Variants in NAMPT observed in about 807,000 individuals in gnomAD.
The protein encoded by NAMPT is NAmPRTase.
NAMPT carries 7 observed loss-of-function variants against 58.7 expected under a neutral mutation model. The ratio of observed to expected loss-of-function variants is 0.12; its 90% CI spans 0.07 to 0.22. The LOEUF is 0.22. Among genes scored for constraint, NAMPT ranks in the 10% least tolerant of loss-of-function variants. The pLI is 1.00. For synonymous variants in NAMPT, 145 were observed against 198.1 expected (o/e 0.73, Z 2.25); for missense variants, 271 against 567.9 (o/e 0.48, Z 5.31).
intron 2 of NAMPT, chr7:106,275,855 G>C (rs1375358776): frequency 6.6e-6 from 1 of 152,096 alleles, no homozygotes; most frequent in African/African-American, 2.4e-5. Context: ...TGGTCAACAT[G>C]GTGAGACCCT....
intron 1 of NAMPT, among the ~76,000 whole-genome samples, chr7:106,284,188 T>A (rs1255387834): frequency 6.6e-6 from 1 of 152,012 alleles, no homozygotes; most frequent in Non-Finnish European, 1.5e-5. Flanking sequence ...AATCACTAGG[T>A]GCCAAGGAGT....
chr7:106,254,875 A>C (rs1444869271), intron 8 of NAMPT, among the ~76,000 whole-genome samples: 1 of 152,222 alleles, frequency 6.6e-6, no homozygotes, highest in Non-Finnish European at 1.5e-5. Context: ...AACACAAGCA[A>C]TGGGAGCCAA....
chr7:106,272,850 C>A (rs534526558), intron 3 of NAMPT, among the ~76,000 whole-genome samples, 192 bp from the exon 4 acceptor site: 2 of 152,136 alleles, frequency 1.3e-5, no homozygotes, highest in Non-Finnish European at 2.9e-5. Flanking sequence ...TATTAACATA[C>A]GTACTGATAT....
chr7:106,261,804 A>G, intron 7 of NAMPT, 97 bp from the exon 8 acceptor site: 1 of 1,324,438 alleles, frequency 7.6e-7, no homozygotes. Context: ...ATAATCGAGA[A>G]TATAAAAATT....
At chr7:106,271,650 G>A (rs1019696472) in intron 4 of NAMPT, among the ~76,000 whole-genome samples, 4 of 151,788 alleles carry the variant, frequency 2.6e-5, no homozygotes, top group African/African-American at 9.7e-5. Context: ...TTAATTTCCT[G>A]TCAACTTAGC....
chr7:106,255,765 G>T (rs1792188210), intron 8 of NAMPT, among the ~76,000 whole-genome samples: 1 of 152,094 alleles, frequency 6.6e-6, no homozygotes, highest in Admixed American at 6.6e-5. Flanking sequence ...CCTGAGTTCA[G>T]GTTTTCCTTT....
At chr7:106,273,399 T>C (rs1199477065) in intron 3 of NAMPT, among the ~76,000 whole-genome samples, 1 of 152,226 alleles carries the variant, frequency 6.6e-6, no homozygotes, top group East Asian at 1.9e-4. Flanking sequence ...TGATAATTTA[T>C]TTATGTGATT....
intron 3 of NAMPT, 76 bp from the exon 4 acceptor site, chr7:106,272,734 T>TGGGA: frequency 5.3e-6 from 8 of 1,523,688 alleles, no homozygotes; most frequent in Non-Finnish European, 6.3e-6. Context: ...AAAGGTTCTT[T>TGGGA]ACGTTTTATA....
At chr7:106,284,488 C>A (rs1398454264) in intron 1 of NAMPT, 4 of 152,880 alleles carry the variant, frequency 2.6e-5, no homozygotes, top group Admixed American at 2.0e-4. Flanking sequence ...CATGCGCTCG[C>A]CGGCGACGCC....
rs1410673449 is a variant in NAMPT at position 106,257,480 on chromosome 7, AAAG to A, written c.1090-2979_1090-2977del. On this transcript the variant is annotated intron_variant, in intron 8 of 10. Transcript: ENST00000222553. ...ACAAAACATTAAAAAAAAAAAAAAA[AAAG>A]AGTCAGGTGTGGTGGCACACACTTG... Among the ~76,000 whole-genome samples the A allele has an allele frequency of 6.6e-5, 10 of 151,448 alleles. No individual in the cohort carries two copies. The East Asian group carries it at 1.6e-3, about 24-fold the overall frequency.
intron 3 of NAMPT, 127 bp downstream of exon 3, chr7:106,274,819 C>T: frequency 3.3e-6 from 2 of 613,576 alleles, no homozygotes; most frequent in East Asian, 3.0e-5. Context: ...TGTGCCACTG[C>T]ACTCCAGCCT....
At chr7:106,274,080 A>C (rs1461049056) in intron 3 of NAMPT, among the ~76,000 whole-genome samples, 1 of 150,490 alleles carries the variant, frequency 6.6e-6, no homozygotes, top group African/African-American at 2.5e-5. Context: ...TGAGTGCCTT[A>C]ATATTTAGGC....
intron 8 of NAMPT, among the ~76,000 whole-genome samples, chr7:106,256,575 A>ACTT (rs1792202891): frequency 6.6e-6 from 1 of 152,246 alleles, no homozygotes; most frequent in Non-Finnish European, 1.5e-5. Flanking sequence ...CAATGGTTCA[A>ACTT]CTTAACAACG....
At chr7:106,261,777 T>C in intron 7 of NAMPT, 70 bp from the exon 8 acceptor site, 9 of 1,472,976 alleles carry the variant, frequency 6.1e-6, no homozygotes, top group Non-Finnish European at 7.5e-6. Context: ...TTTTCAAAGT[T>C]AAATGATTTT....
intron 8 of NAMPT, among the ~76,000 whole-genome samples, chr7:106,261,306 A>G (rs1792296777): frequency 1.3e-5 from 2 of 152,176 alleles, no homozygotes; most frequent in Non-Finnish European, 2.9e-5. Flanking sequence ...TTATATTCCA[A>G]GGAATATTTC....
At position 106,251,081 on chromosome 7, in the gene NAMPT, G is replaced by C. The variant is rs369468695; in HGVS notation, c.*2C>G. 1 of 1,516,488 alleles carries C rather than the reference G, an allele frequency of 6.6e-7. No homozygotes were observed. The highest frequency in any genetic ancestry group is 1.1e-5 in the South Asian group (1 of 89,022). 93.9% of individuals were successfully genotyped at this position (1,516,488 alleles called of 1,614,324 possible). On this transcript the variant is annotated 3_prime_UTR_variant, in exon 11 of 11. Transcript: ENST00000222553. ...CACACAACACACACCCAGTCATAAA[G>C]CCTAATGATGTGCTGCTTCCAGTTC...
intron 4 of NAMPT, among the ~76,000 whole-genome samples, chr7:106,271,064 G>A (rs1792522173): frequency 6.6e-6 from 1 of 151,302 alleles, no homozygotes; most frequent in Non-Finnish European, 1.5e-5. Context: ...CATATTGCCA[G>A]TGGTTACCAT....
At chr7:106,269,608 T>C (rs138705030) in intron 4 of NAMPT, among the ~76,000 whole-genome samples, 1 of 152,330 alleles carries the variant, frequency 6.6e-6, no homozygotes, top group East Asian at 1.9e-4. Context: ...AAAGACTATG[T>C]GATAAAAGGA....
At chr7:106,276,900 ACACACACCAAATT>A (rs1045735842) in intron 2 of NAMPT, 110 bp downstream of exon 2, 2 of 804,928 alleles carry the variant, frequency 2.5e-6, no homozygotes, top group African/African-American at 3.5e-5. Context: ...AGAACATCAA[ACACACACCAAATT>A]ATATGATTTA....
Sources: gnomAD v4.1 joint callset for allele counts (sites outside exome capture counted in the v4.1 genomes callset) on GRCh38, gnomAD v4.1.1 for gene constraint, MANE v1.5 for transcripts, NCBI Gene and HGNC (gene_info 2026-07-23, HGNC 2026-07-21) for gene names.